PRR16: variants seen among roughly 807,000 people sequenced by gnomAD.
The protein encoded by PRR16 is protein Largen.
Under a neutral mutation model 18.2 loss-of-function variants are expected in PRR16, and 6 were observed. That is an observed-to-expected ratio of 0.33 (90% CI 0.18 to 0.65). PRR16 has a LOEUF of 0.65. Among genes scored for constraint, PRR16 ranks in the 30% least tolerant of loss-of-function variants. The pLI is 0.74. For missense variants in PRR16, 412 were observed against 376.6 expected (o/e 1.09, Z -0.78); for synonymous variants, 151 against 147.8 (o/e 1.02, Z -0.16).
At chr5:120,560,519 A>G (rs1204923137) in intron 1 of PRR16, among the ~76,000 whole-genome samples, 2 of 151,732 alleles carry the variant, frequency 1.3e-5, no homozygotes, top group African/African-American at 4.8e-5. Context: ...TTTTTAATGT[A>G]TTGTTGAATT....
intron 1 of PRR16, among the ~76,000 whole-genome samples, chr5:120,618,985 T>C (rs1754601702): frequency 6.6e-6 from 1 of 152,114 alleles, no homozygotes. Context: ...AAAAGTGCTG[T>C]AGGCCCAGCT....
the PRR16 span, among the ~76,000 whole-genome samples, chr5:120,699,262 G>T: frequency 6.6e-6 from 1 of 152,188 alleles, no homozygotes; most frequent in Non-Finnish European, 1.5e-5. Context: ...GGTTCTAAGA[G>T]GCGGGCTAGT....
Position 120,537,777 on chromosome 5 carries a change from T to A in PRR16, c.159+73132T>A, listed in dbSNP as rs868590314. Among the ~76,000 whole-genome samples the A allele has an allele frequency of 1.3e-3, 189 of 142,014 alleles. 1 individual carries two copies. The highest frequency in any genetic ancestry group is 3.5e-3 in the Middle Eastern group (1 of 284). The allele number at this position is 142,014 out of a possible 152,430, so 93.2% of individuals were successfully genotyped here. ...AACTTGGAATTTTTAATGTTTTTTT[T>A]TTTTTTTTTTTTTTTTTGAGACGGA... On this transcript the variant is annotated intron_variant, in intron 1 of 1. Transcript: ENST00000407149.
rs1009668946 is a variant in PRR16, at chr5:120,679,195, C to T, written c.160-6759C>T. On this transcript the variant is annotated intron_variant, in intron 1 of 1. Coordinates refer to ENST00000407149, the MANE Select transcript of PRR16 (RefSeq NM_001300783.2). ...GTTTCACTGTGATTAACAAAGTCCT[C>T]CACAGACCCAAATAACCACAATTAT... Among the ~76,000 whole-genome samples the T allele has an allele frequency of 2.6e-5, 4 of 152,238 alleles. No individual in the cohort carries two copies. In the South Asian group the frequency reaches 8.3e-4, roughly 32 times the overall value.
chr5:120,789,690 G>A, the PRR16 span, among the ~76,000 whole-genome samples: 26 of 152,026 alleles, frequency 1.7e-4, no homozygotes, highest in African/African-American at 5.8e-4. Context: ...TTAGGAATAA[G>A]GGAAGATCTT....
At chr5:120,619,381 G>A (rs1754615681) in intron 1 of PRR16, among the ~76,000 whole-genome samples, 2 of 152,102 alleles carry the variant, frequency 1.3e-5, no homozygotes, top group Admixed American at 6.6e-5. Context: ...AGTATGGAAT[G>A]TGCAATGTCT....
chr5:120,693,515 C>G, the PRR16 span, among the ~76,000 whole-genome samples: 1 of 152,208 alleles, frequency 6.6e-6, no homozygotes, highest in Non-Finnish European at 1.5e-5. Flanking sequence ...CAGAATTCAA[C>G]AAGTCTGCAG....
At chr5:120,727,183 A>C in the PRR16 span, among the ~76,000 whole-genome samples, 3 of 151,648 alleles carry the variant, frequency 2.0e-5, no homozygotes, top group Non-Finnish European at 2.9e-5. Flanking sequence ...TTTGTGTCTC[A>C]AGTTTTGTTT....
At chr5:120,658,636 A>G (rs954534329) in intron 1 of PRR16, among the ~76,000 whole-genome samples, 2 of 151,960 alleles carry the variant, frequency 1.3e-5, no homozygotes, top group Non-Finnish European at 2.9e-5. Context: ...GACAAAAATA[A>G]GATACTACAA....
At chr5:120,700,383 G>A in the PRR16 span, among the ~76,000 whole-genome samples, 2 of 152,084 alleles carry the variant, frequency 1.3e-5, no homozygotes, top group Non-Finnish European at 2.9e-5. Context: ...GATGGTGAGG[G>A]GTGCATGATC....
intron 1 of PRR16, among the ~76,000 whole-genome samples, chr5:120,499,766 C>CT (rs5870893): frequency 6.3e-4 from 92 of 145,542 alleles, no homozygotes; most frequent in East Asian, 1.2e-3. Context: ...TACTGATTAT[C>CT]TTTTTTTTTT....
intron 1 of PRR16, among the ~76,000 whole-genome samples, chr5:120,508,118 A>C (rs919371998): frequency 6.6e-6 from 1 of 152,114 alleles, no homozygotes; most frequent in Non-Finnish European, 1.5e-5. Context: ...TAAAGGGAGC[A>C]GACTCAGCTG....
chr5:120,763,309 C>CT, the PRR16 span, among the ~76,000 whole-genome samples: 11 of 152,038 alleles, frequency 7.2e-5, no homozygotes, highest in Admixed American at 1.3e-4. Context: ...CCACGTCTGG[C>CT]TCTTTTTTTT....
At chr5:120,785,622 G>C in the PRR16 span, among the ~76,000 whole-genome samples, 1 of 127,492 alleles carries the variant, frequency 7.8e-6, no homozygotes, top group South Asian at 2.6e-4. Flanking sequence ...ACCCAGGCTG[G>C]AGTGCAGTGG....
the PRR16 span, among the ~76,000 whole-genome samples, chr5:120,714,982 C>T: frequency 7.9e-5 from 12 of 151,936 alleles, no homozygotes; most frequent in African/African-American, 2.7e-4. Context: ...ACACCAGGGC[C>T]TGTTGGTGGT....
At chr5:120,657,161 C>T (rs984243522) in intron 1 of PRR16, among the ~76,000 whole-genome samples, 1 of 151,954 alleles carries the variant, frequency 6.6e-6, no homozygotes, top group South Asian at 2.1e-4. Flanking sequence ...TCATAGAGCT[C>T]TAAAGGTAAA....
At chr5:120,482,313 T>C (rs771329792) in intron 1 of PRR16, among the ~76,000 whole-genome samples, 2 of 152,136 alleles carry the variant, frequency 1.3e-5, no homozygotes, top group Non-Finnish European at 2.9e-5. Flanking sequence ...CCAGTGTTTA[T>C]CACTGCTGTC....
chr5:120,620,260 A>C (rs1445227703), intron 1 of PRR16, among the ~76,000 whole-genome samples: 1 of 152,172 alleles, frequency 6.6e-6, no homozygotes, highest in Non-Finnish European at 1.5e-5. Flanking sequence ...CTTGAATATT[A>C]TAACAGCAAA....
chr5:120,771,421 A>G, the PRR16 span, among the ~76,000 whole-genome samples: 1 of 152,220 alleles, frequency 6.6e-6, no homozygotes, highest in African/African-American at 2.4e-5. Context: ...TACTATACAC[A>G]AAAGCAGATG....
Sources: gnomAD v4.1 joint callset for allele counts (sites outside exome capture counted in the v4.1 genomes callset) on GRCh38, gnomAD v4.1.1 for gene constraint, MANE v1.5 for transcripts, NCBI Gene and HGNC (gene_info 2026-07-23, HGNC 2026-07-21) for gene names.